CFAP410: variants seen among roughly 807,000 people sequenced by gnomAD.
CFAP410 encodes the protein cilia and flagella associated protein 410, also known as cilia- and flagella-associated protein 410.
Under a neutral mutation model 25.7 loss-of-function variants are expected in CFAP410, and 27 were observed. That is an observed-to-expected ratio of 1.05 (90% CI 0.77 to 1.45). The LOEUF (loss-of-function observed/expected upper bound fraction) is 1.45. CFAP410 is among the 40% of genes most tolerant of loss of function. CFAP410 has a pLI of 0.00. For synonymous variants in CFAP410, 178 were observed against 158.4 expected (o/e 1.12, Z -0.93); for missense variants, 428 against 354.1 (o/e 1.21, Z -1.67).
At chr21:44,334,106 G>C in intron 3 of CFAP410, 1 of 456,254 alleles carries the variant, frequency 2.2e-6, no homozygotes, top group Non-Finnish European at 4.4e-6. Context: ...GATGGGGTCT[G>C]CCTCAGGCAC....
Position 44,339,227 on chromosome 21 carries a change from C to A in CFAP410, c.-33G>T, listed in dbSNP as rs2047822902. ...GCCCAGGCCCGACCGGCGGGCGCCC[C>A]CGGCCTCCTGATCCCGGGCGGGTGA... On this transcript the variant is annotated 5_prime_UTR_variant, in exon 1 of 7. Transcript: ENST00000339818. 1 of 1,380,436 alleles carries A rather than the reference C, an allele frequency of 7.2e-7. No individual in the cohort carries two copies. The highest frequency in any genetic ancestry group is 3.1e-5 in the East Asian group (1 of 32,462). 85.5% of individuals were successfully genotyped at this position (1,380,436 alleles called of 1,614,324 possible).
At chr21:44,334,312 T>G (rs2146073875) in intron 3 of CFAP410, 1 of 455,432 alleles carries the variant, frequency 2.2e-6, no homozygotes, top group Middle Eastern at 3.8e-4. Context: ...CCTGGGTGAC[T>G]CAGTGAGCGG....
At position 44,339,280 on chromosome 21, in the gene CFAP410, CG is replaced by C; in HGVS notation, c.-87del. The C allele has an allele frequency of 2.4e-6, 2 of 835,542 alleles. No individual in the cohort carries two copies. Among genetic ancestry groups the C allele is most frequent in the Non-Finnish European group, 3.4e-6 (2 of 589,276 alleles). 51.8% of individuals were successfully genotyped at this position (835,542 alleles called of 1,614,324 possible). A position where few individuals can be genotyped will look rare whatever the true frequency, so the allele number is the denominator to read the frequency against. On this transcript the variant is annotated 5_prime_UTR_variant, in exon 1 of 7. Coordinates refer to ENST00000339818, the MANE Select transcript of CFAP410 (RefSeq NM_004928.3). ...ACTGCGCGGCGCGTGTCTCCAGGGG[CG>C]GGGCCCGCGTCGTCAGGGGCGGATC...
chr21:44,333,096 G>A lies in CFAP410; in HGVS notation c.310C>T (p.Pro104Ser). 1.2e-6 allele frequency: 2 copies of A among 1,609,932 alleles called. No homozygotes were observed. Among genetic ancestry groups the A allele is most frequent in the Non-Finnish European group, 1.7e-6 (2 of 1,178,732 alleles). Reference protein sequence around the residue: ...LAENPCCGTSPHRYRMTVLRT... With the variant: ...LAENPCCGTSSHRYRMTVLRT... ...AGCACGGTCATGCGGTAGCGGTGGG[G>A]GCTGGTGCCGCAGCACGGGTTCTCG... Residue 104 changes from proline (P) to serine (S), a missense_variant, in exon 4 of 7, where the codon CCC becomes TCC. Transcript: ENST00000339818.
chr21:44,334,432 C>G (rs772962781), intron 3 of CFAP410: 8 of 379,428 alleles, frequency 2.1e-5, no homozygotes, highest in Non-Finnish European at 3.7e-5. Flanking sequence ...GCCTGAAATC[C>G]CAGCCTCACT....
Position 44,331,840 on chromosome 21 carries a change from C to T in CFAP410, c.545+3G>A. 1.2e-6 allele frequency: 2 copies of T among 1,609,570 alleles called. No individual in the cohort carries two copies. Among genetic ancestry groups the T allele is most frequent in the Non-Finnish European group, 1.7e-6 (2 of 1,179,226 alleles). ...CGGAGTCCCCGCTGCCCTCCAGCCT[C>T]ACGTTGCCTCCTCCTCGCTGTCCAG... is the stretch of plus-strand genomic sequence containing the variant. On this transcript the variant is annotated splice_donor_region_variant and intron_variant, in intron 5 of 6. Transcript: ENST00000339818.
chr21:44,331,507 G>T (rs772408045), intron 5 of CFAP410: 3 of 355,350 alleles, frequency 8.4e-6, no homozygotes, highest in Non-Finnish European at 1.5e-5. Flanking sequence ...TCCAGTCACT[G>T]TGGCCCTAGG....
In CFAP410 at chr21:44,337,646, T is replaced by TA. The variant is rs1359124989; in HGVS notation, c.96+2dup. Reference sequence around the variant, plus strand: ...ATACTTACATCTGTGAGGCAATACTTACATCTGTGAGGCGGCTGCCCCTGG... The same window carrying TA: ...ATACTTACATCTGTGAGGCAATACTTAACATCTGTGAGGCGGCTGCCCCTGG... On this transcript the variant is annotated splice_region_variant and intron_variant, in intron 2 of 6. Transcript: ENST00000339818. 3 of 1,612,658 alleles carry TA rather than the reference T, an allele frequency of 1.9e-6. No homozygotes were observed. The highest frequency in any genetic ancestry group is 2.7e-5 in the African/African-American group (2 of 74,894).
chr21:44,332,149 G>A, intron 4 of CFAP410, 135 bp from the exon 5 acceptor site: 1 of 673,336 alleles, frequency 1.5e-6, no homozygotes, highest in Non-Finnish European at 2.4e-6. Flanking sequence ...CCACCTCCAG[G>A]GACAACTCCC....
At chr21:44,331,315 C>T (rs2047644289) in intron 5 of CFAP410, 1 of 285,574 alleles carries the variant, frequency 3.5e-6, no homozygotes, top group Non-Finnish European at 6.6e-6. Context: ...CCACAGGCAC[C>T]AGCAGCGGGT....
chr21:44,335,459 A>T, intron 3 of CFAP410: 1 of 453,930 alleles, frequency 2.2e-6, no homozygotes, highest in Non-Finnish European at 3.9e-6. Context: ...TGGCCCAGTG[A>T]ACACAGCAAT....
At chr21:44,330,967 G>T in intron 5 of CFAP410, 48 bp from the exon 6 acceptor site, 5 of 1,437,764 alleles carry the variant, frequency 3.5e-6, no homozygotes, top group South Asian at 1.3e-5. Flanking sequence ...TCGTGGCACC[G>T]GGGGGGCCTC....
At position 44,330,683 on chromosome 21, in the gene CFAP410, C is replaced by T. The variant is rs1295315007; in HGVS notation, c.642+140G>A. 5 of 1,548,018 alleles carry T rather than the reference C, an allele frequency of 3.2e-6. No individual in the cohort carries two copies. In the Admixed American group the frequency reaches 7.9e-5, roughly 24 times the overall value. ...CCCGCACACGCAGCTCCCCCTGGGG[C>T]ACAGCTCTTCAAGGCCCTGTGAGGC... On this transcript the variant is annotated intron_variant, in intron 6 of 6. Transcript: ENST00000339818.
chr21:44,337,505 G>C (rs1388053063), intron 2 of CFAP410, 144 bp downstream of exon 2: 2 of 648,346 alleles, frequency 3.1e-6, no homozygotes, highest in Non-Finnish European at 5.3e-6. Context: ...ACCGCTAAGT[G>C]AACAAAGTAC....
chr21:44,335,097 CGTCT>C (rs891265798), intron 3 of CFAP410: 1 of 153,212 alleles, frequency 6.5e-6, no homozygotes, highest in African/African-American at 2.4e-5. Flanking sequence ...GCCCATCCAG[CGTCT>C]GGTGGGCAGT....
intron 2 of CFAP410, among the ~76,000 whole-genome samples, chr21:44,336,543 G>A (rs2047759723): frequency 6.6e-6 from 1 of 152,172 alleles, no homozygotes; most frequent in Non-Finnish European, 1.5e-5. Context: ...AACCTGCAAA[G>A]CTCCCACATA....
rs148023924 is a variant in CFAP410 at position 44,330,842 on chromosome 21, G to A, written c.623C>T (p.Ser208Leu). The A allele has an allele frequency of 4.7e-4, 750 of 1,605,484 alleles. 3 individuals carry two copies. In the African/African-American group the frequency reaches 7.4e-3, roughly 16 times the overall value. Residue 208 changes from serine to leucine, a missense_variant, in exon 6 of 7, where the codon TCG (serine) becomes TTG (leucine). By Grantham distance (145) the Ser-to-Leu change is moderately radical. Coordinates refer to ENST00000339818, the MANE Select transcript of CFAP410 (RefSeq NM_004928.3). ...QFPSLSARDA[S>L]SSHRGRNVLT... ...ACTCACCCTGCCCCTGTGGCTGCTC[G>A]AGGCATCCCTGGCTGAGAGGGAAGG...
At chr21:44,331,777 C>T in intron 5 of CFAP410, 66 bp downstream of exon 5, 1 of 1,501,298 alleles carries the variant, frequency 6.7e-7, no homozygotes, top group Admixed American at 2.1e-5. Flanking sequence ...GCCCCATTCA[C>T]TCCCCGTGGG....
chr21:44,330,135 C>A lies in CFAP410; in HGVS notation c.*63G>T. 1.3e-6 allele frequency: 2 copies of A among 1,518,524 alleles called. No homozygotes were observed. Among genetic ancestry groups the A allele is most frequent in the Non-Finnish European group, 1.8e-6 (2 of 1,134,288 alleles). The allele number at this position is 1,518,524 out of a possible 1,614,324, so 94.1% of individuals were successfully genotyped here. The stretch of plus-strand genomic sequence containing the variant: ...CGGCCATGGCAGCCACCCTCCAGCT[C>A]CCGGGGGCTGGGGAAGACGCTGGGG... On this transcript the variant is annotated 3_prime_UTR_variant, in exon 7 of 7. Coordinates refer to ENST00000339818, the MANE Select transcript of CFAP410 (RefSeq NM_004928.3).
Sources: gnomAD v4.1 joint callset for allele counts (sites outside exome capture counted in the v4.1 genomes callset) on GRCh38, gnomAD v4.1.1 for gene constraint, MANE v1.5 for transcripts, NCBI Gene and HGNC (gene_info 2026-07-23, HGNC 2026-07-21) for gene names.